NFIB: variants seen among roughly 807,000 people sequenced by gnomAD.
NFIB encodes the protein nuclear factor 1 B-type.
A neutral mutation model predicts 61.5 loss-of-function variants in NFIB; 11 were observed. The ratio of observed to expected loss-of-function variants is 0.18; its 90% CI spans 0.11 to 0.30. The LOEUF (loss-of-function observed/expected upper bound fraction) is 0.30. Ranked by LOEUF, NFIB falls within the 10% of genes least tolerant of loss-of-function variation. The probability of loss-of-function intolerance (pLI) is 1.00; values close to 1 mark genes in which losing one functional copy is unlikely to be tolerated. For synonymous variants in NFIB, 260 were observed against 216.5 expected (o/e 1.20, Z -1.76); for missense variants, 471 against 608.9 (o/e 0.77, Z 2.38).
At chr9:14,466,167 G>A in the NFIB span, among the ~76,000 whole-genome samples, 3 of 152,180 alleles carry the variant, frequency 2.0e-5, no homozygotes, top group Non-Finnish European at 4.4e-5. Flanking sequence ...ATGAAGAAAG[G>A]AAACACTGTC....
chr9:14,293,252 C>G (rs1430022180), intron 2 of NFIB, among the ~76,000 whole-genome samples: 1 of 152,174 alleles, frequency 6.6e-6, no homozygotes, highest in Admixed American at 6.5e-5. Context: ...GTTGCTACAT[C>G]ATGTTTTTCC....
At chr9:14,261,995 C>T (rs1447309893) in intron 2 of NFIB, among the ~76,000 whole-genome samples, 1 of 152,104 alleles carries the variant, frequency 6.6e-6, no homozygotes, top group Non-Finnish European at 1.5e-5. Flanking sequence ...TCAGAGAGAC[C>T]TAAGGCTGCT....
At chr9:14,183,071 A>G (rs1357944004) in intron 2 of NFIB, among the ~76,000 whole-genome samples, 2 of 152,184 alleles carry the variant, frequency 1.3e-5, no homozygotes, top group African/African-American at 2.4e-5. Context: ...TCTATGCTTA[A>G]TAACAACTAA....
chr9:14,278,263 C>G (rs748941445), intron 2 of NFIB, among the ~76,000 whole-genome samples: 1 of 152,170 alleles, frequency 6.6e-6, no homozygotes, highest in Non-Finnish European at 1.5e-5. Flanking sequence ...TAAAAGTAAT[C>G]TGATGTCCAA....
At chr9:14,285,028 A>G (rs7861214) in intron 2 of NFIB, among the ~76,000 whole-genome samples, 5,206 of 152,366 alleles carry the variant, frequency 0.034, 254 homozygotes, top group African/African-American at 0.099. Flanking sequence ...TGCTTAGTTT[A>G]AAAGATTTGC....
chr9:14,327,175 C>T (rs776501634), intron 1 of NFIB, among the ~76,000 whole-genome samples: 1 of 151,998 alleles, frequency 6.6e-6, no homozygotes, highest in African/African-American at 2.4e-5. Flanking sequence ...ACAGGATGCA[C>T]GAAAGCGCTA....
At chr9:14,183,072 T>A (rs2046981563) in intron 2 of NFIB, among the ~76,000 whole-genome samples, 1 of 152,106 alleles carries the variant, frequency 6.6e-6, no homozygotes, top group Non-Finnish European at 1.5e-5. Flanking sequence ...CTATGCTTAA[T>A]AACAACTAAC....
chr9:14,452,663 C>G, the NFIB span, among the ~76,000 whole-genome samples: 2 of 152,110 alleles, frequency 1.3e-5, no homozygotes, highest in African/African-American at 4.8e-5. Context: ...GCCCTATTCC[C>G]TAGTAGACAT....
intron 3 of NFIB, among the ~76,000 whole-genome samples, chr9:14,159,134 C>T (rs1048485058): frequency 2.0e-5 from 3 of 152,050 alleles, no homozygotes; most frequent in African/African-American, 7.2e-5. Context: ...CAGCTCAAGG[C>T]CAATTCTACC....
the NFIB span, among the ~76,000 whole-genome samples, chr9:14,491,295 C>T: frequency 6.6e-6 from 1 of 151,364 alleles, no homozygotes; most frequent in Non-Finnish European, 1.5e-5. Context: ...TTTGACATAT[C>T]TAAAAAAAAT....
chr9:14,187,855 C>A (rs1040834949), intron 2 of NFIB, among the ~76,000 whole-genome samples: 1 of 152,028 alleles, frequency 6.6e-6, no homozygotes, highest in African/African-American at 2.4e-5. Flanking sequence ...TAATGAATCC[C>A]CTGCAAATAT....
intron 1 of NFIB, chr9:14,321,986 C>G: frequency 1.6e-6 from 2 of 1,227,742 alleles, no homozygotes; most frequent in Non-Finnish European, 1.0e-6. Flanking sequence ...GAGTCTGTAA[C>G]AGAACCCTGG....
At chr9:14,467,068 G>T in the NFIB span, among the ~76,000 whole-genome samples, 1 of 152,172 alleles carries the variant, frequency 6.6e-6, no homozygotes, top group African/African-American at 2.4e-5. Flanking sequence ...CAAAAGTCAG[G>T]CTTCGCTCTA....
the NFIB span, among the ~76,000 whole-genome samples, chr9:14,482,308 A>T: frequency 3.4e-4 from 51 of 152,168 alleles, no homozygotes; most frequent in African/African-American, 1.1e-3. Context: ...TAGCCATAAA[A>T]TCATCATGCA....
At chr9:14,179,853 G>C in intron 2 of NFIB, 73 bp from the exon 3 acceptor site, 2 of 1,449,766 alleles carry the variant, frequency 1.4e-6, no homozygotes, top group Non-Finnish European at 1.9e-6. Flanking sequence ...CAAAGGACTC[G>C]AAAAAAAAAT....
chr9:14,111,444 T>C (rs907122865), intron 10 of NFIB, among the ~76,000 whole-genome samples: 1 of 152,192 alleles, frequency 6.6e-6, no homozygotes, highest in Non-Finnish European at 1.5e-5. Context: ...AGGCATGTTT[T>C]ATGCATTAAA....
At chr9:14,286,274 G>T (rs544308107) in intron 2 of NFIB, among the ~76,000 whole-genome samples, 1 of 152,266 alleles carries the variant, frequency 6.6e-6, no homozygotes, top group African/African-American at 2.4e-5. Flanking sequence ...CTTTTGAATG[G>T]GAGGGTGCTA....
chr9:14,497,170 T>C, the NFIB span, among the ~76,000 whole-genome samples: 1 of 152,336 alleles, frequency 6.6e-6, no homozygotes, highest in South Asian at 2.1e-4. Context: ...ATCTAGGTTT[T>C]TTTATCTTGT....
the NFIB span, among the ~76,000 whole-genome samples, chr9:14,497,888 C>T: frequency 6.6e-6 from 1 of 152,162 alleles, no homozygotes; most frequent in African/African-American, 2.4e-5. Context: ...AACGGGAAGC[C>T]TCAAGATGAA....
Sources: gnomAD v4.1 joint callset for allele counts (sites outside exome capture counted in the v4.1 genomes callset) on GRCh38, gnomAD v4.1.1 for gene constraint, MANE v1.5 for transcripts, NCBI Gene and HGNC (gene_info 2026-07-23, HGNC 2026-07-21) for gene names.